The following SLC22A23 variants were observed in gnomAD, a reference collection of about 807,000 sequenced individuals.
SLC22A23 encodes the protein solute carrier family 22 member 23.
A neutral mutation model predicts 61.0 loss-of-function variants in SLC22A23; 26 were observed. The observed-to-expected ratio is 0.43, with a 90% CI of 0.31 to 0.59. The LOEUF is 0.59. Ranked by LOEUF, SLC22A23 falls within the 20% of genes least tolerant of loss-of-function variation. The pLI is 0.11. For synonymous variants in SLC22A23, 430 were observed against 413.9 expected, an observed-to-expected ratio of 1.04 and a Z score of -0.47; for missense variants, 796 against 934.7, an observed-to-expected ratio of 0.85 and a Z score of 1.94.
At chr6:3,419,373 T>C (rs2127527404) in intron 1 of SLC22A23, among the ~76,000 whole-genome samples, 1 of 152,314 alleles carries the variant, frequency 6.6e-6, no homozygotes. Flanking sequence ...TCCTATAGTG[T>C]GGGCTGGGAG....
Position 3,427,845 on chromosome 6 carries a change from C to CTGGCAGCA in SLC22A23, c.655-11998_655-11991dup, listed in dbSNP as rs1770601742. 6.6e-6 allele frequency among the ~76,000 whole-genome samples: 1 copy of CTGGCAGCA among 151,678 alleles called. No homozygotes were observed. The highest frequency in any genetic ancestry group is 1.5e-5 in the Non-Finnish European group (1 of 68,036). On this transcript the variant is annotated intron_variant, in intron 1 of 9. Transcript: ENST00000406686. The surrounding 1 kb of genome is among the most constrained non-coding windows in gnomAD (Gnocchi z 4.3). ...AATCTTCTAAAAACACCGTGCCAAA[C>CTGGCAGCA]TGGCAGCATGACAGCAGAGTGTGAC...
intron 6 of SLC22A23, among the ~76,000 whole-genome samples, chr6:3,288,482 G>T (rs910018336): frequency 6.6e-6 from 1 of 152,228 alleles, no homozygotes; most frequent in African/African-American, 2.4e-5. Flanking sequence ...ATTTGGTTCA[G>T]TTAGCCTCCA....
rs141317346 is a variant in SLC22A23 at position 3,326,759 on chromosome 6, T to C, written c.914-2757A>G. On this transcript the variant is annotated intron_variant, in intron 3 of 9. Coordinates refer to ENST00000406686, the MANE Select transcript of SLC22A23 (RefSeq NM_015482.2). ...ACCTTTTTTTGTCTTGACTCACCAG[T>C]AAATCTTTCCAAACTGCTTGAATCT... Among the ~76,000 whole-genome samples, 95 of 152,376 alleles carry C rather than the reference T, an allele frequency of 6.2e-4. 1 individual carries two copies. The highest frequency in any genetic ancestry group is 2.2e-3 in the African/African-American group (92 of 41,590).
intron 1 of SLC22A23, among the ~76,000 whole-genome samples, chr6:3,438,015 C>T (rs1315997387): frequency 6.6e-6 from 1 of 152,124 alleles, no homozygotes; most frequent in African/African-American, 2.4e-5. Context: ...TTGCATTTCA[C>T]TCCCTCTAGC....
intron 7 of SLC22A23, among the ~76,000 whole-genome samples, chr6:3,285,926 G>A (rs1759952605): frequency 6.6e-6 from 1 of 152,122 alleles, no homozygotes; most frequent in Admixed American, 6.5e-5. Flanking sequence ...GTCCCAGGAG[G>A]ACCGTGCCAG....
At chr6:3,368,882 C>T (rs1244446605) in intron 3 of SLC22A23, among the ~76,000 whole-genome samples, 1 of 152,124 alleles carries the variant, frequency 6.6e-6, no homozygotes, top group Non-Finnish European at 1.5e-5. Flanking sequence ...AGGCTGTGCA[C>T]CAGTTCCTAT....
At chr6:3,301,906 A>G (rs915701166) in intron 4 of SLC22A23, among the ~76,000 whole-genome samples, 8 of 152,252 alleles carry the variant, frequency 5.3e-5, no homozygotes, top group African/African-American at 1.9e-4. Flanking sequence ...ATATTTGAGT[A>G]TGGACATTTG....
chr6:3,402,027 C>CT (rs1768426187), intron 3 of SLC22A23, among the ~76,000 whole-genome samples: 1 of 152,156 alleles, frequency 6.6e-6, no homozygotes, highest in Admixed American at 6.5e-5. Flanking sequence ...GGCTGAATCC[C>CT]TTTTATCACC....
At chr6:3,347,328 C>T (rs1021302146) in intron 3 of SLC22A23, among the ~76,000 whole-genome samples, 5 of 152,196 alleles carry the variant, frequency 3.3e-5, no homozygotes, top group Non-Finnish European at 7.3e-5. Context: ...CACACTTCCT[C>T]GCACCCCTCA....
chr6:3,367,557 C>T (rs1161428857), intron 3 of SLC22A23, among the ~76,000 whole-genome samples: 1 of 152,098 alleles, frequency 6.6e-6, no homozygotes, highest in African/African-American at 2.4e-5. Context: ...ATAGCAGGGG[C>T]CAGGCAGCTA....
rs560200453 is a variant in SLC22A23 at position 3,400,360 on chromosome 6, C to T, written c.913+9828G>A. On this transcript the variant is annotated intron_variant, in intron 3 of 9. Transcript: ENST00000406686. Reference sequence around the variant, plus strand: ...AAAGTTCCCAAGCTTGCTGCGAGCCCAGAGATTCCCTCACATGAGTGGGCC... The same window carrying T: ...AAAGTTCCCAAGCTTGCTGCGAGCCTAGAGATTCCCTCACATGAGTGGGCC... 4.6e-5 allele frequency among the ~76,000 whole-genome samples: 7 copies of T among 152,350 alleles called. 1 individual carries two copies. Among genetic ancestry groups the T allele is most frequent in the African/African-American group, 1.7e-4 (7 of 41,580 alleles).
chr6:3,383,487 A>G (rs1767083978), intron 3 of SLC22A23, among the ~76,000 whole-genome samples: 1 of 152,256 alleles, frequency 6.6e-6, no homozygotes, highest in Non-Finnish European at 1.5e-5. Context: ...CCGTGGTTAA[A>G]TAAAACCAAA....
Position 3,456,089 on chromosome 6 carries a change from G to A in SLC22A23, c.471C>T (p.Thr157=), listed in dbSNP as rs750077651. The A allele has an allele frequency of 5.2e-6, 8 of 1,550,268 alleles. No individual in the cohort carries two copies. The Admixed American group carries it at 1.2e-4, about 23-fold the overall frequency. ...CCCAGGGGGCAGTGGCGAAGGGGGT[G>A]GTGGGGAGGCTGGTCCAGTTGCCCA... ...GDMGNWTSLP[T]TPFATAPWEA... The change falls in exon 1 of 10, where the codon ACC becomes ACT. Residue 157 remains threonine (T), a synonymous_variant. Coordinates refer to ENST00000406686, the MANE Select transcript of SLC22A23 (RefSeq NM_015482.2). This position sits in a 1 kb window ranked among gnomAD's most constrained non-coding sequence, Gnocchi z 7.1.
At chr6:3,439,636 T>C (rs1771458798) in intron 1 of SLC22A23, among the ~76,000 whole-genome samples, 1 of 152,220 alleles carries the variant, frequency 6.6e-6, no homozygotes, top group Admixed American at 6.5e-5. Context: ...CTTTTATTCT[T>C]GTCATCTTAG....
intron 5 of SLC22A23, chr6:3,290,504 A>G (rs896795966): frequency 2.6e-5 from 4 of 153,682 alleles, no homozygotes; most frequent in African/African-American, 9.6e-5. Context: ...ATACGTGTGC[A>G]TGTTTTAGTT....
chr6:3,416,502 AAC>A (rs1317441831), intron 1 of SLC22A23, among the ~76,000 whole-genome samples: 1 of 152,276 alleles, frequency 6.6e-6, no homozygotes, highest in Non-Finnish European at 1.5e-5. Context: ...TAGTAAATAC[AAC>A]ATTCAGACTA....
At chr6:3,409,897 G>A (rs533721346) in intron 3 of SLC22A23, among the ~76,000 whole-genome samples, 10 of 152,242 alleles carry the variant, frequency 6.6e-5, no homozygotes, top group Admixed American at 1.3e-4. Flanking sequence ...GAAGAAAACC[G>A]AAAGCCTCTC....
chr6:3,337,664 G>A (rs952351293), intron 3 of SLC22A23, among the ~76,000 whole-genome samples: 2 of 152,068 alleles, frequency 1.3e-5, no homozygotes, highest in African/African-American at 4.8e-5. Context: ...CCATGTGCTC[G>A]GGCCCCACCG....
At chr6:3,276,063 C>T (rs1758869638) in intron 9 of SLC22A23, among the ~76,000 whole-genome samples, 1 of 152,178 alleles carries the variant, frequency 6.6e-6, no homozygotes, top group African/African-American at 2.4e-5. Flanking sequence ...CAGGAAGATT[C>T]ACAGATTTGG....
Sources: gnomAD v4.1 joint callset for allele counts (sites outside exome capture counted in the v4.1 genomes callset) on GRCh38, gnomAD v4.1.1 for gene constraint, Gnocchi (gnomAD v3.1) non-coding constraint, MANE v1.5 for transcripts, NCBI Gene and HGNC (gene_info 2026-07-23, HGNC 2026-07-21) for gene names.